CTNNA2: variants seen among roughly 807,000 people sequenced by gnomAD.
CTNNA2 encodes catenin alpha 2.
In CTNNA2, 42 loss-of-function variants were observed where a neutral mutation model predicts 101.0. The observed-to-expected ratio is 0.42, with a 90% confidence interval of 0.32 to 0.54. The LOEUF is 0.54. Ranked by LOEUF, CTNNA2 falls within the 20% of genes least tolerant of loss-of-function variation. The probability of loss-of-function intolerance (pLI) is 0.14; values close to 1 mark genes in which losing one functional copy is unlikely to be tolerated. For synonymous variants in CTNNA2, 450 were observed against 456.4 expected (o/e 0.99, Z 0.18); for missense variants, 871 against 1,223.1 (o/e 0.71, Z 4.29).
At chr2:80,005,383 G>A (rs1346233708) in intron 7 of CTNNA2, among the ~76,000 whole-genome samples, 1 of 152,122 alleles carries the variant, frequency 6.6e-6, no homozygotes, top group Non-Finnish European at 1.5e-5. Context: ...CAAATCTCTT[G>A]TTTACCATCT....
chr2:80,249,735 T>C (rs1426346359), intron 7 of CTNNA2, among the ~76,000 whole-genome samples: 3 of 152,146 alleles, frequency 2.0e-5, no homozygotes, highest in Non-Finnish European at 4.4e-5. Flanking sequence ...CATCCTGGCA[T>C]GTTACACATT....
chr2:79,384,335 G>A (rs535087099), intron 4 of CTNNA2, among the ~76,000 whole-genome samples: 12 of 146,016 alleles, frequency 8.2e-5, no homozygotes, highest in African/African-American at 2.5e-4. Flanking sequence ...TACAAGGAAA[G>A]CATTACATAT....
intron 7 of CTNNA2, among the ~76,000 whole-genome samples, chr2:80,125,927 A>G (rs2148886030): frequency 6.6e-6 from 1 of 152,328 alleles, no homozygotes; most frequent in African/African-American, 2.4e-5. Context: ...GAATGGGAAT[A>G]CCGAAGCACC....
At chr2:80,296,696 G>A (rs917658442) in intron 7 of CTNNA2, among the ~76,000 whole-genome samples, 2 of 152,070 alleles carry the variant, frequency 1.3e-5, no homozygotes, top group Non-Finnish European at 2.9e-5. Context: ...CGTGGAGCAG[G>A]GTTTTTCAAC....
At chr2:80,366,138 AC>A (rs149572272) in intron 7 of CTNNA2, among the ~76,000 whole-genome samples, 2,321 of 152,228 alleles carry the variant, frequency 0.015, 26 homozygotes, top group South Asian at 0.057. Context: ...TTCAGGGAAG[AC>A]CTAAGGACTT....
At chr2:79,974,064 C>T (rs1427228598) in intron 7 of CTNNA2, among the ~76,000 whole-genome samples, 1 of 152,102 alleles carries the variant, frequency 6.6e-6, no homozygotes, top group Non-Finnish European at 1.5e-5. Context: ...TGAGAGCCTT[C>T]CCTTTGTCGC....
At chr2:79,988,051 C>T (rs747293566) in intron 7 of CTNNA2, among the ~76,000 whole-genome samples, 6 of 152,176 alleles carry the variant, frequency 3.9e-5, no homozygotes, top group Non-Finnish European at 5.9e-5. Flanking sequence ...GACTGAATGG[C>T]AGACTTCCCT....
chr2:79,478,977 A>G (rs1671080773), intron 4 of CTNNA2, among the ~76,000 whole-genome samples: 1 of 152,208 alleles, frequency 6.6e-6, no homozygotes, highest in African/African-American at 2.4e-5. Flanking sequence ...CCAAATAGAA[A>G]CCAGCTTAAT....
At chr2:80,185,672 G>A (rs542244295) in intron 7 of CTNNA2, among the ~76,000 whole-genome samples, 7 of 152,264 alleles carry the variant, frequency 4.6e-5, no homozygotes, top group African/African-American at 1.7e-4. Context: ...TTTGTTCGGT[G>A]AGTCCTTTTT....
rs1394162544 is a variant in CTNNA2 at position 79,421,617 on chromosome 2, T to C, written c.-135+47604T>C. ...ATACACTGTAGGGTCAAGCACAGTATGATAAATAACTTGATTTGGTATCGG... is the reference window on the plus strand; with the variant it reads ...ATACACTGTAGGGTCAAGCACAGTACGATAAATAACTTGATTTGGTATCGG... On this transcript the variant is annotated intron_variant, in intron 4 of 21. Coordinates refer to the CTNNA2 transcript ENST00000466387. Among the ~76,000 whole-genome samples the C allele has an allele frequency of 2.6e-5, 4 of 152,182 alleles. No individual in the cohort carries two copies. In the East Asian group the frequency reaches 5.8e-4, roughly 22 times the overall value.
chr2:79,591,493 A>G (rs996948157), intron 1 of CTNNA2, among the ~76,000 whole-genome samples: 1 of 152,220 alleles, frequency 6.6e-6, no homozygotes, highest in Non-Finnish European at 1.5e-5. Flanking sequence ...AGAATCTGTC[A>G]TAAGATTCAT....
intron 3 of CTNNA2, among the ~76,000 whole-genome samples, chr2:79,845,053 TTGTG>T (rs10569872): frequency 2.0e-5 from 3 of 149,116 alleles, no homozygotes; most frequent in Middle Eastern, 3.5e-3. Flanking sequence ...TTGTGTGCAT[TTGTG>T]TGTGTGTGTG....
At chr2:80,544,830 AGTTG>A in intron 9 of CTNNA2, 148 bp from the exon 10 acceptor site, 1 of 604,460 alleles carries the variant, frequency 1.7e-6, no homozygotes. Flanking sequence ...AAGTAGTACT[AGTTG>A]GTTCTACATG....
At chr2:80,575,867 G>A (rs1248112126) in intron 13 of CTNNA2, among the ~76,000 whole-genome samples, 1 of 152,124 alleles carries the variant, frequency 6.6e-6, no homozygotes, top group Non-Finnish European at 1.5e-5. Context: ...ATTTCAAGTA[G>A]TTTGATTAGA....
chr2:80,103,390 A>G (rs1426803836), intron 7 of CTNNA2, among the ~76,000 whole-genome samples: 1 of 152,188 alleles, frequency 6.6e-6, no homozygotes, highest in Non-Finnish European at 1.5e-5. Flanking sequence ...GAGTCCTACT[A>G]AGTTAAGGCC....
At chr2:79,687,661 T>G in intron 2 of CTNNA2, 1 of 619,804 alleles carries the variant, frequency 1.6e-6, no homozygotes, top group Non-Finnish European at 2.9e-6. Flanking sequence ...ATTGGGTAAC[T>G]CTTTTCATGA....
intron 7 of CTNNA2, among the ~76,000 whole-genome samples, chr2:80,057,352 G>T (rs1020765938): frequency 6.6e-6 from 1 of 152,096 alleles, no homozygotes; most frequent in African/African-American, 2.4e-5. Context: ...CATATAATTT[G>T]TCCGGAACTA....
intron 7 of CTNNA2, among the ~76,000 whole-genome samples, chr2:80,202,312 G>A (rs952560442): frequency 1.3e-5 from 2 of 152,178 alleles, no homozygotes; most frequent in Non-Finnish European, 2.9e-5. Flanking sequence ...CCAGGAACCA[G>A]CAGTCTGAAA....
intron 7 of CTNNA2, among the ~76,000 whole-genome samples, chr2:80,284,625 AT>A (rs992594201): frequency 2.7e-5 from 4 of 150,670 alleles, no homozygotes; most frequent in South Asian, 4.2e-4. Flanking sequence ...TCAATCACAC[AT>A]TTTTTTTTGC....
Sources: gnomAD v4.1 joint callset for allele counts (sites outside exome capture counted in the v4.1 genomes callset) on GRCh38, gnomAD v4.1.1 for gene constraint, MANE v1.5 for transcripts, NCBI Gene and HGNC (gene_info 2026-07-23, HGNC 2026-07-21) for gene names.